Variants in PIR observed in about 807,000 individuals in gnomAD.
PIR encodes the protein pirin, also known as pirin (iron-binding nuclear protein).
In PIR, 22 loss-of-function variants were observed where a neutral mutation model predicts 24.2. The observed-to-expected ratio is 0.91, with a 90% CI of 0.65 to 1.30. The LOEUF is 1.30. Among genes scored for constraint, PIR ranks in the 50% most tolerant of loss-of-function variants. The probability of loss-of-function intolerance (pLI) is 0.00; values close to 1 mark genes in which losing one functional copy is unlikely to be tolerated. For synonymous variants in PIR, 80 were observed against 79.6 expected (o/e 1.00, Z -0.03); for missense variants, 220 against 220.3 (o/e 1.00, Z 0.01).
chrX:15,491,175 A>G lies in PIR; in HGVS notation c.83T>C (p.Ile28Thr), dbSNP rs766252248. 4.2e-6 allele frequency: 5 copies of G among 1,202,341 alleles called. No homozygotes were observed. The highest frequency in any genetic ancestry group is 3.0e-5 in the East Asian group (1 of 33,754). ...CAACTAGCATACCTCGGGTCTGCCAATGCTTCTCCGGACCCTCGCTCCAAC... is the reference window on the plus strand; with the variant it reads ...CAACTAGCATACCTCGGGTCTGCCAGTGCTTCTCCGGACCCTCGCTCCAAC... ...EGVGARVRRSIGRPELKNLDP... is the reference protein window; with the variant it reads ...EGVGARVRRSTGRPELKNLDP... Residue 28 changes from isoleucine to threonine, a missense_variant, in exon 2 of 10, where the codon ATT (isoleucine) becomes ACT (threonine). Ile to Thr is a moderately conservative substitution (Grantham distance 89). Coordinates refer to ENST00000380420, the MANE Select transcript of PIR (RefSeq NM_001018109.3).
At chrX:15,445,426 C>A (rs974899597) in intron 5 of PIR, among the ~76,000 whole-genome samples, 1 of 110,833 alleles carries the variant, frequency 9.0e-6, no homozygotes, top group Non-Finnish European at 1.9e-5. Context: ...AGGAGAAATA[C>A]CCAATGTAAA....
At position 15,397,532 on chromosome X, in the gene PIR, C is replaced by T; in HGVS notation, c.611-1G>A. Reference sequence around the variant, plus strand: ...ATTTTTTGTTGTGCATCATCGGGCCCTACAAAACCAATGACACACTAATTT... The same window carrying T: ...ATTTTTTGTTGTGCATCATCGGGCCTTACAAAACCAATGACACACTAATTT... On this transcript the variant is annotated splice_acceptor_variant, in intron 7 of 9. Transcript: ENST00000380420. LOFTEE classifies it high-confidence loss of function. 8.4e-7 allele frequency: 1 copy of T among 1,186,025 alleles called. No homozygotes were observed.
chrX:15,424,379 T>C (rs1304155334), intron 6 of PIR, among the ~76,000 whole-genome samples: 1 of 111,433 alleles, frequency 9.0e-6, no homozygotes, highest in East Asian at 2.8e-4. Context: ...TGAAGACTGG[T>C]GGTTACCAGA....
chrX:15,420,397 G>A (rs1925091442), intron 6 of PIR, among the ~76,000 whole-genome samples: 1 of 111,800 alleles, frequency 8.9e-6, no homozygotes, highest in South Asian at 3.8e-4. Context: ...CTGCTAGTGG[G>A]ATTGTGGAGA....
chrX:15,485,286 C>A (rs993960424), intron 2 of PIR, among the ~76,000 whole-genome samples: 9 of 111,915 alleles, frequency 8.0e-5, no homozygotes, highest in Non-Finnish European at 1.3e-4. Context: ...GGTGAGGGTC[C>A]AACTTTCTGG....
chrX:15,412,947 C>A lies in PIR; in HGVS notation c.566-5397G>T, dbSNP rs956214729. Among the ~76,000 whole-genome samples the A allele has an allele frequency of 2.7e-5, 3 of 112,169 alleles. No homozygotes were observed. The Admixed American group carries it at 2.8e-4, about 11-fold the overall frequency. On this transcript the variant is annotated intron_variant, in intron 6 of 9. Transcript: ENST00000380420. ...CCAGACTCTTCATCTCTTCAAGCCT[C>A]TTTGCTGGTTTGTAAAATAAGGAAT...
chrX:15,429,156 C>T (rs1040961974), intron 5 of PIR, among the ~76,000 whole-genome samples: 2 of 109,418 alleles, frequency 1.8e-5, no homozygotes, highest in African/African-American at 6.7e-5. Context: ...TCCTTCCTGT[C>T]TCTTGCTTCT....
At chrX:15,454,486 A>C (rs1046149605) in intron 5 of PIR, among the ~76,000 whole-genome samples, 4 of 109,496 alleles carry the variant, frequency 3.7e-5, no homozygotes, top group African/African-American at 1.0e-4. Flanking sequence ...AAAAAAAAAA[A>C]ACAAAAAAAC....
At chrX:15,398,193 C>A (rs1333319681) in intron 7 of PIR, among the ~76,000 whole-genome samples, 12 of 110,978 alleles carry the variant, frequency 1.1e-4, no homozygotes, top group East Asian at 5.6e-4. Context: ...ACGTGTATAC[C>A]TATGTAACAA....
chrX:15,484,959 G>T (rs983578969), intron 2 of PIR, among the ~76,000 whole-genome samples: 1 of 112,035 alleles, frequency 8.9e-6, no homozygotes, highest in Non-Finnish European at 1.9e-5. Flanking sequence ...AGAACTTAAA[G>T]ATTTGGGAAA....
At chrX:15,452,143 A>G (rs966344200) in intron 5 of PIR, among the ~76,000 whole-genome samples, 1 of 111,760 alleles carries the variant, frequency 8.9e-6, no homozygotes, top group Non-Finnish European at 1.9e-5. Context: ...TGCTTCTGAC[A>G]ACAGAATTTA....
intron 3 of PIR, among the ~76,000 whole-genome samples, chrX:15,477,854 T>C (rs754003295): frequency 8.9e-6 from 1 of 111,966 alleles, no homozygotes; most frequent in South Asian, 3.7e-4. Flanking sequence ...CAGGTACTGA[T>C]TTGGGGGTTA....
chrX:15,478,190 T>C (rs1458311261), intron 3 of PIR, among the ~76,000 whole-genome samples: 3 of 111,615 alleles, frequency 2.7e-5, no homozygotes, highest in Non-Finnish European at 5.7e-5. Context: ...CAATTTATGA[T>C]CCTCTTGGGT....
At chrX:15,400,760 T>TTTATTTATTTATTTA (rs1924352831) in intron 7 of PIR, among the ~76,000 whole-genome samples, 1 of 109,453 alleles carries the variant, frequency 9.1e-6, no homozygotes, top group African/African-American at 3.3e-5. Flanking sequence ...TATTTATTTA[T>TTTATTTATTTATTTA]TTTTGAGATG....
At chrX:15,461,634 T>A (rs968362322) in intron 3 of PIR, among the ~76,000 whole-genome samples, 4 of 110,743 alleles carry the variant, frequency 3.6e-5, no homozygotes, top group African/African-American at 1.3e-4. Context: ...TACAAAAAAA[T>A]TAGCCGGGTG....
intron 7 of PIR, among the ~76,000 whole-genome samples, chrX:15,405,346 G>A (rs1924520615): frequency 1.8e-5 from 2 of 112,157 alleles, no homozygotes; most frequent in Admixed American, 1.9e-4. Flanking sequence ...GACCATAAAT[G>A]AAGTTTTATT....
At chrX:15,478,800 C>G (rs1438436331) in intron 3 of PIR, among the ~76,000 whole-genome samples, 1 of 111,498 alleles carries the variant, frequency 9.0e-6, no homozygotes, top group Non-Finnish European at 1.9e-5. Flanking sequence ...GCTCACACTT[C>G]CCAACACACA....
chrX:15,476,524 T>C (rs1396485390), intron 3 of PIR, among the ~76,000 whole-genome samples: 3 of 111,212 alleles, frequency 2.7e-5, no homozygotes, highest in Non-Finnish European at 3.8e-5. Flanking sequence ...TATTCAAAAG[T>C]TTACCTCTGA....
At chrX:15,428,002 A>C in intron 5 of PIR, among the ~76,000 whole-genome samples, 1 of 111,830 alleles carries the variant, frequency 8.9e-6, no homozygotes, top group South Asian at 3.7e-4. Context: ...AGTAATCTTG[A>C]CTATCAAAAG....
Sources: allele counts gnomAD v4.1 joint callset (sites outside exome capture counted in the v4.1 genomes callset), GRCh38; gene constraint gnomAD v4.1.1; transcripts MANE v1.5; gene names NCBI Gene and HGNC (gene_info 2026-07-23, HGNC 2026-07-21).